EDA2R: variants seen among roughly 807,000 people sequenced by gnomAD.
EDA2R encodes the protein ectodysplasin A2 receptor.
A neutral mutation model predicts 20.1 loss-of-function variants in EDA2R; 26 were observed. That is an observed-to-expected ratio of 1.30 (90% CI 0.95 to 1.80). The LOEUF is 1.80. EDA2R is among the 40% of genes most tolerant of loss of function. The probability of loss-of-function intolerance (pLI) is 0.00; values close to 1 mark genes in which losing one functional copy is unlikely to be tolerated. For missense variants in EDA2R, 277 were observed against 228.7 expected (o/e 1.21, Z -1.36); for synonymous variants, 114 against 88.7 (o/e 1.29, Z -1.60).
At chrX:66,602,396 C>T (rs1188704010) in intron 5 of EDA2R, among the ~76,000 whole-genome samples, 1 of 110,804 alleles carries the variant, frequency 9.0e-6, no homozygotes, top group Non-Finnish European at 1.9e-5. Flanking sequence ...CTTTAAAATC[C>T]CCTGAAACAT....
intron 2 of EDA2R, among the ~76,000 whole-genome samples, chrX:66,607,773 A>G (rs917639027): frequency 1.8e-5 from 2 of 112,079 alleles, no homozygotes; most frequent in African/African-American, 3.2e-5. Flanking sequence ...CTTCATTACA[A>G]TACAAAACTG....
intron 1 of EDA2R, among the ~76,000 whole-genome samples, chrX:66,619,215 G>A (rs186429538): frequency 2.5e-4 from 28 of 111,441 alleles, no homozygotes; most frequent in Non-Finnish European, 4.5e-4. Context: ...CTCATTAATC[G>A]CAACCACCAG....
chrX:66,599,491 C>A lies in EDA2R; in HGVS notation c.887G>T (p.Ser296Ile). The change falls in exon 6 of 7, where the codon AGC (serine) becomes ATC (isoleucine). Residue 296 changes from serine (S) to isoleucine (I), a missense_variant. Transcript: ENST00000374719. ...LELNVPFEVP[S>I]P The stretch of plus-strand genomic sequence containing the variant: ...CAGCTCACCTCATTAGAGTTAAGGG[C>A]TGGGAACTTCAAAGGGCACATTGAG... 8.6e-7 allele frequency: 1 copy of A among 1,160,248 alleles called. No homozygotes were observed. The highest frequency in any genetic ancestry group is 1.2e-6 in the Non-Finnish European group (1 of 865,929).
intron 1 of EDA2R, among the ~76,000 whole-genome samples, chrX:66,636,844 T>C (rs962527860): frequency 1.8e-5 from 2 of 110,652 alleles, no homozygotes; most frequent in African/African-American, 6.6e-5. Context: ...TGACTACTTC[T>C]CATTGGGCTT....
chrX:66,603,703 T>G (rs1334166143), intron 4 of EDA2R, among the ~76,000 whole-genome samples: 1 of 112,208 alleles, frequency 8.9e-6, no homozygotes, highest in Non-Finnish European at 1.9e-5. Context: ...AGTGGTTGTA[T>G]CTGAGGAGGT....
chrX:66,633,604 G>A, intron 1 of EDA2R, among the ~76,000 whole-genome samples: 1 of 111,430 alleles, frequency 9.0e-6, no homozygotes, highest in East Asian at 2.8e-4. Context: ...GGAACAAAGG[G>A]TATTGGAGAC....
intron 1 of EDA2R, among the ~76,000 whole-genome samples, chrX:66,629,397 A>C (rs948649802): frequency 1.8e-5 from 2 of 111,606 alleles, no homozygotes; most frequent in Non-Finnish European, 3.8e-5. Flanking sequence ...GAGGAAGTCA[A>C]ACTGTCACTA....
intron 1 of EDA2R, among the ~76,000 whole-genome samples, chrX:66,631,834 A>G (rs988268633): frequency 8.9e-6 from 1 of 112,083 alleles, no homozygotes; most frequent in Non-Finnish European, 1.9e-5. Context: ...GCTTGGTAAA[A>G]GAAAAGAAAA....
chrX:66,631,209 G>A (rs920449980), intron 1 of EDA2R, among the ~76,000 whole-genome samples: 6 of 110,744 alleles, frequency 5.4e-5, no homozygotes, highest in African/African-American at 2.0e-4. Flanking sequence ...GACTTGGAGG[G>A]AAGGCAGTGA....
At position 66,604,510 on chromosome X, in the gene EDA2R, T is replaced by C. The variant is rs184785057; in HGVS notation, c.267-4A>G. On this transcript the variant is annotated splice_region_variant and splice_polypyrimidine_tract_variant and intron_variant, in intron 3 of 6. Coordinates refer to ENST00000374719, the MANE Select transcript of EDA2R (RefSeq NM_021783.5). ...AATGCGTGTCTTTCGGTAGAACCTG[T>C]GTTCAGAGCAATTAGGAATGGCAGG... The C allele has an allele frequency of 2.5e-6, 3 of 1,200,455 alleles. No homozygotes were observed. Among genetic ancestry groups the C allele is most frequent in the African/African-American group, 3.5e-5 (2 of 56,983 alleles).
At chrX:66,616,124 A>G in intron 1 of EDA2R, 94 bp from the exon 2 acceptor site, 1 of 557,956 alleles carries the variant, frequency 1.8e-6, no homozygotes, top group Non-Finnish European at 3.1e-6. Context: ...CCCTTAATCT[A>G]TTCTCTAGAT....
At chrX:66,622,833 C>A (rs1052055575) in intron 1 of EDA2R, among the ~76,000 whole-genome samples, 2 of 112,214 alleles carry the variant, frequency 1.8e-5, no homozygotes, top group Non-Finnish European at 3.8e-5. Context: ...TTGTTTATAA[C>A]CTCCTTCCAA....
intron 2 of EDA2R, among the ~76,000 whole-genome samples, chrX:66,613,303 A>G (rs763981806): frequency 3.6e-4 from 40 of 111,798 alleles, no homozygotes; most frequent in African/African-American, 1.2e-3. Flanking sequence ...GTTATCTACT[A>G]TATGTCTGTC....
In EDA2R at chrX:66,610,272, AACACACACACACACAC is replaced by A. The variant is rs10657734; in HGVS notation, c.88-5062_88-5047del. Among the ~76,000 whole-genome samples the A allele has an allele frequency of 6.3e-4, 55 of 87,472 alleles. 1 individual carries two copies. Among genetic ancestry groups the A allele is most frequent in the Middle Eastern group, 6.2e-3 (1 of 161 alleles). The allele number at this position is 87,472 out of a possible 115,157, so 76.0% of individuals were successfully genotyped here. A position where few individuals can be genotyped will look rare whatever the true frequency, so the allele number is the denominator to read the frequency against. ...AGGATGTCTCTTAACCAGATACACA[AACACACACACACACAC>A]ACACACACACACACACACACACACA... On this transcript the variant is annotated intron_variant, in intron 2 of 6. Transcript: ENST00000374719.
chrX:66,603,681 C>A (rs1322800329), intron 4 of EDA2R, among the ~76,000 whole-genome samples: 1 of 111,870 alleles, frequency 8.9e-6, no homozygotes, highest in Non-Finnish European at 1.9e-5. Context: ...AGAATACATA[C>A]AATTTCAGGA....
At chrX:66,600,720 T>C (rs1928433429) in intron 5 of EDA2R, among the ~76,000 whole-genome samples, 1 of 112,106 alleles carries the variant, frequency 8.9e-6, no homozygotes, top group South Asian at 3.8e-4. Context: ...TGCATGGATC[T>C]GGTTCAACAT....
intron 1 of EDA2R, among the ~76,000 whole-genome samples, chrX:66,628,102 A>T (rs1933293720): frequency 9.0e-6 from 1 of 111,696 alleles, no homozygotes; most frequent in African/African-American, 3.3e-5. Context: ...GTCAAATACA[A>T]AATCAAGATG....
intron 1 of EDA2R, among the ~76,000 whole-genome samples, chrX:66,624,722 G>A (rs1466877260): frequency 1.8e-5 from 2 of 111,020 alleles, no homozygotes; most frequent in Non-Finnish European, 3.8e-5. Flanking sequence ...TTTAGCTCCA[G>A]GACGACTGCA....
Position 66,599,603 on chromosome X carries a change from G to A in EDA2R, c.775C>T (p.Leu259=), listed in dbSNP as rs1184598507. The A allele has an allele frequency of 1.7e-6, 2 of 1,202,022 alleles. No homozygotes were observed. Among genetic ancestry groups the A allele is most frequent in the Non-Finnish European group, 2.2e-6 (2 of 890,559 alleles). Residue 259 remains leucine (L), a synonymous_variant, in exon 6 of 7, where the codon CTG becomes TTG. Transcript: ENST00000374719. ...GAGGCAGAGCTGGAAAACTTTTGCA[G>A]GTCCAGCTCTGTGCATTCGATGGGG... ...HSPIECTELD[L]QKFSSSASYT... is the part of the protein sequence containing the mutation.
Sources: gnomAD v4.1 joint callset for allele counts (sites outside exome capture counted in the v4.1 genomes callset) on GRCh38, gnomAD v4.1.1 for gene constraint, MANE v1.5 for transcripts, NCBI Gene and HGNC (gene_info 2026-07-23, HGNC 2026-07-21) for gene names.